KLRD1: variants seen among roughly 807,000 people sequenced by gnomAD.
KLRD1 encodes the protein killer cell lectin like receptor D1.
In KLRD1, 21 loss-of-function variants were observed where a neutral mutation model predicts 22.6. The ratio of observed to expected loss-of-function variants is 0.93; its 90% CI spans 0.66 to 1.34. The LOEUF is 1.34. KLRD1 is among the 40% of genes most tolerant of loss of function. The pLI, the probability that KLRD1 is intolerant of heterozygous loss-of-function variation, is 0.00. For synonymous variants in KLRD1, 59 were observed against 71.1 expected (o/e 0.83, Z 0.85); for missense variants, 183 against 208.6 (o/e 0.88, Z 0.76).
At chr12:10,257,663 GAGCA>G (rs1949412450) in intron 1 of KLRD1, among the ~76,000 whole-genome samples, 1 of 151,062 alleles carries the variant, frequency 6.6e-6, no homozygotes, top group African/African-American at 2.4e-5. Flanking sequence ...TTAACTTTTT[GAGCA>G]TATTTAGTAC....
chr12:10,312,431 T>A (rs979109330), intron 4 of KLRD1, among the ~76,000 whole-genome samples: 1 of 150,390 alleles, frequency 6.6e-6, no homozygotes, highest in African/African-American at 2.5e-5. Context: ...CAGGCTGGAG[T>A]GCAGTGGCGT....
At chr12:10,292,805 C>A (rs1949782033) in intron 1 of KLRD1, among the ~76,000 whole-genome samples, 1 of 152,094 alleles carries the variant, frequency 6.6e-6, no homozygotes, top group Admixed American at 6.6e-5. Flanking sequence ...CTTTTCCTCT[C>A]TAGTTATAAA....
At chr12:10,261,773 G>C (rs1215081038) in intron 1 of KLRD1, among the ~76,000 whole-genome samples, 1 of 151,988 alleles carries the variant, frequency 6.6e-6, no homozygotes, top group African/African-American at 2.4e-5. Context: ...CATTCTCTCT[G>C]GGTCTTGGTT....
At chr12:10,275,585 T>C (rs1420671297) in intron 1 of KLRD1, among the ~76,000 whole-genome samples, 4 of 152,172 alleles carry the variant, frequency 2.6e-5, no homozygotes, top group Non-Finnish European at 5.9e-5. Context: ...ATCCGAAGCA[T>C]GTAGTTAGGG....
At chr12:10,258,005 C>T (rs999345331) in intron 1 of KLRD1, among the ~76,000 whole-genome samples, 47 of 151,948 alleles carry the variant, frequency 3.1e-4, no homozygotes, top group Admixed American at 2.6e-4. Flanking sequence ...ATACATGTGG[C>T]TACTTTTGAG....
Position 10,324,699 on chromosome 12 carries a change from A to G in KLRD1, c.*9906A>G. On this transcript the variant is annotated 3_prime_UTR_variant, in exon 6 of 6. Transcript: ENST00000336164. ...GTAGTTTTTAATATTCAGGCCTTTT[A>G]TGTTTTTATGAGATTTCCCCAAAGT... 6.6e-6 allele frequency: 1 copy of G among 150,750 alleles called. No individual in the cohort carries two copies. Among genetic ancestry groups the G allele is most frequent in the East Asian group, 1.9e-4 (1 of 5,160 alleles). The allele number at this position is 150,750 out of a possible 1,614,324, so 9.3% of individuals were successfully genotyped here. A position where few individuals can be genotyped will look rare whatever the true frequency, so the allele number is the denominator to read the frequency against.
chr12:10,292,981 C>T (rs1489302560), intron 1 of KLRD1, among the ~76,000 whole-genome samples: 1 of 150,282 alleles, frequency 6.7e-6, no homozygotes, highest in African/African-American at 2.4e-5. Context: ...ATTTAGATGG[C>T]TTCTTTCTTT....
intron 1 of KLRD1, among the ~76,000 whole-genome samples, chr12:10,260,791 A>T (rs1346485047): frequency 6.6e-6 from 1 of 151,990 alleles, no homozygotes; most frequent in Non-Finnish European, 1.5e-5. Context: ...AATACAAAAA[A>T]ATTAGCCGGG....
Position 10,322,837 on chromosome 12 carries a change from T to TCC in KLRD1, c.*8047_*8048dup, listed in dbSNP as rs1160728641. 6.6e-6 allele frequency: 1 copy of TCC among 152,130 alleles called. No homozygotes were observed. The highest frequency in any genetic ancestry group is 1.5e-5 in the Non-Finnish European group (1 of 68,016). The allele number at this position is 152,130 out of a possible 1,614,324, so 9.4% of individuals were successfully genotyped here. On this transcript the variant is annotated 3_prime_UTR_variant, in exon 6 of 6. Coordinates refer to ENST00000336164, the MANE Select transcript of KLRD1 (RefSeq NM_002262.5). Reference sequence around the variant, plus strand: ...TTGCTGTTTGCTAATTGATACTGTCTCCCCTGTTCCAAGAAAACTGCTACT... The same window carrying TCC: ...TTGCTGTTTGCTAATTGATACTGTCTCCCCCCTGTTCCAAGAAAACTGCTACT...
chr12:10,294,246 C>A (rs3912116), intron 1 of KLRD1, among the ~76,000 whole-genome samples: 148,909 of 152,296 alleles, frequency 0.98, 72,882 homozygotes, highest in East Asian at 1. Context: ...CATGTAAATC[C>A]ATGGTGGACT....
intron 3 of KLRD1, among the ~76,000 whole-genome samples, chr12:10,311,180 C>T (rs1362427152): frequency 1.3e-5 from 2 of 152,110 alleles, no homozygotes; most frequent in African/African-American, 2.4e-5. Context: ...GCTGTTTTAA[C>T]ATACTTAATT....
chr12:10,271,555 T>C (rs767155528), intron 1 of KLRD1, among the ~76,000 whole-genome samples: 1 of 152,202 alleles, frequency 6.6e-6, no homozygotes, highest in Non-Finnish European at 1.5e-5. Context: ...TCTAGAGTTT[T>C]AAATGGTTTT....
chr12:10,263,806 T>C (rs912248919), intron 1 of KLRD1, among the ~76,000 whole-genome samples: 3 of 152,054 alleles, frequency 2.0e-5, no homozygotes, highest in African/African-American at 7.2e-5. Flanking sequence ...ACCCAGAGTA[T>C]TGAAGTTGAG....
chr12:10,249,942 T>G (rs184788666), intron 1 of KLRD1, among the ~76,000 whole-genome samples: 58 of 152,308 alleles, frequency 3.8e-4, no homozygotes, highest in Non-Finnish European at 8.1e-4. Context: ...GCCATCACTC[T>G]AGCTTTATGG....
At chr12:10,256,431 T>G (rs1318721419) in intron 1 of KLRD1, among the ~76,000 whole-genome samples, 2 of 81,612 alleles carry the variant, frequency 2.5e-5, no homozygotes, top group Non-Finnish European at 6.9e-5. Context: ...AGCTGTTTTT[T>G]TTTTTTTTTT....
intron 1 of KLRD1, among the ~76,000 whole-genome samples, chr12:10,281,625 C>T (rs1949644265): frequency 6.6e-6 from 1 of 152,198 alleles, no homozygotes; most frequent in Admixed American, 6.5e-5. Flanking sequence ...GAGGAATCAT[C>T]TACACTACCT....
chr12:10,282,194 T>G (rs1295734644), intron 1 of KLRD1, among the ~76,000 whole-genome samples: 1 of 152,090 alleles, frequency 6.6e-6, no homozygotes, highest in African/African-American at 2.4e-5. Flanking sequence ...CATTATATAA[T>G]AAAATACATT....
At chr12:10,309,339 C>T in intron 1 of KLRD1, 49 bp from the exon 2 acceptor site, 1 of 822,788 alleles carries the variant, frequency 1.2e-6, no homozygotes. Context: ...AAGAACTCAG[C>T]TCCTGAGTTT....
At chr12:10,302,024 A>G (rs957763623), upstream of KLRD1, among the ~76,000 whole-genome samples, 7 of 152,214 alleles carry the variant, frequency 4.6e-5, no homozygotes, top group African/African-American at 1.2e-4. Context: ...TTATATGGGC[A>G]TGGTTCCTGG....
Sources: gnomAD v4.1 joint callset for allele counts (sites outside exome capture counted in the v4.1 genomes callset) on GRCh38, gnomAD v4.1.1 for gene constraint, MANE v1.5 for transcripts, NCBI Gene and HGNC (gene_info 2026-07-23, HGNC 2026-07-21) for gene names.